Variants in GRXCR1 observed in about 807,000 individuals in gnomAD.
GRXCR1 encodes glutaredoxin and cysteine rich domain containing 1.
In GRXCR1, 27 loss-of-function variants were observed where a neutral mutation model predicts 27.3. The observed-to-expected ratio is 0.99, with a 90% CI of 0.73 to 1.37. The LOEUF (loss-of-function observed/expected upper bound fraction) is 1.37, where lower values mean the gene tolerates loss of function less well. Among genes scored for constraint, GRXCR1 ranks in the 40% most tolerant of loss-of-function variants. The pLI is 0.00. For missense variants in GRXCR1, 379 were observed against 354.4 expected, an observed-to-expected ratio of 1.07 and a Z score of -0.56; for synonymous variants, 122 against 131.1, an observed-to-expected ratio of 0.93 and a Z score of 0.47.
rs767899733 is a variant in GRXCR1 at position 42,962,993 on chromosome 4, T to C, written c.486T>C (p.Ile162=). ...AAAGATGTGAACTGGTTAGAAAGAT[T>C]TTCCAAAACCATCGCGTAAAATTTG... ...TFERCELVRK[I]FQNHRVKFEE... The change falls in exon 2 of 4, where the codon ATT becomes ATC. Residue 162 remains isoleucine (I), a synonymous_variant. Coordinates refer to ENST00000399770, the MANE Select transcript of GRXCR1 (RefSeq NM_001080476.3). 1 of 1,612,914 alleles carries C rather than the reference T, an allele frequency of 6.2e-7. No individual in the cohort carries two copies. The highest frequency in any genetic ancestry group is 1.1e-5 in the South Asian group (1 of 91,066).
intron 1 of GRXCR1, among the ~76,000 whole-genome samples, chr4:42,932,779 G>T (rs918518865): frequency 6.6e-6 from 1 of 150,850 alleles, no homozygotes; most frequent in Non-Finnish European, 1.5e-5. Context: ...TTTCACCCTG[G>T]AATTACAGCC....
chr4:42,894,007 G>T (rs1457374084), intron 1 of GRXCR1, among the ~76,000 whole-genome samples: 1 of 152,062 alleles, frequency 6.6e-6, no homozygotes, highest in Non-Finnish European at 1.5e-5. Flanking sequence ...TATTATCCTT[G>T]AAATACCAGT....
chr4:42,937,237 T>C (rs933999115), intron 1 of GRXCR1, among the ~76,000 whole-genome samples: 14 of 151,150 alleles, frequency 9.3e-5, no homozygotes, highest in Non-Finnish European at 1.6e-4. Flanking sequence ...TCATTGAAAT[T>C]GGCTCTTGAG....
At chr4:42,927,604 T>C (rs1418466318) in intron 1 of GRXCR1, among the ~76,000 whole-genome samples, 1 of 151,836 alleles carries the variant, frequency 6.6e-6, no homozygotes, top group East Asian at 1.9e-4. Context: ...GATGAATATA[T>C]GGGAAACAAC....
intron 2 of GRXCR1, among the ~76,000 whole-genome samples, chr4:42,986,365 G>A (rs1711723802): frequency 6.6e-6 from 1 of 152,194 alleles, no homozygotes; most frequent in Admixed American, 6.5e-5. Flanking sequence ...TGTCTTGCAG[G>A]AAATTAACAA....
At chr4:42,985,760 A>G (rs1448368001) in intron 2 of GRXCR1, among the ~76,000 whole-genome samples, 1 of 152,166 alleles carries the variant, frequency 6.6e-6, no homozygotes, top group Non-Finnish European at 1.5e-5. Flanking sequence ...TCCTTTTAGA[A>G]AAGAAAGAAT....
intron 3 of GRXCR1, among the ~76,000 whole-genome samples, chr4:43,026,150 C>T (rs1157659075): frequency 2.0e-5 from 3 of 152,110 alleles, no homozygotes; most frequent in African/African-American, 7.2e-5. Context: ...CAAACTTTGT[C>T]CGTGTTCTTT....
intron 1 of GRXCR1, among the ~76,000 whole-genome samples, chr4:42,946,251 AG>A (rs1258126931): frequency 4.0e-5 from 6 of 150,182 alleles, no homozygotes; most frequent in African/African-American, 1.5e-4. Flanking sequence ...TTAATGAGAC[AG>A]GAAAAAGGTC....
intron 1 of GRXCR1, 86 bp from the exon 2 acceptor site, chr4:42,962,806 T>A: frequency 6.6e-7 from 1 of 1,510,242 alleles, no homozygotes; most frequent in East Asian, 2.3e-5. Flanking sequence ...ATTGCATGGC[T>A]TTAACGCAAT....
chr4:42,901,502 C>T (rs1746459316), intron 1 of GRXCR1, among the ~76,000 whole-genome samples: 1 of 152,154 alleles, frequency 6.6e-6, no homozygotes, highest in Admixed American at 6.5e-5. Context: ...TTCTCTAACT[C>T]TATTGCCCTC....
intron 2 of GRXCR1, among the ~76,000 whole-genome samples, chr4:42,982,685 G>A (rs1372373971): frequency 7.2e-6 from 1 of 139,572 alleles, no homozygotes; most frequent in Non-Finnish European, 1.6e-5. Flanking sequence ...GTGTAAAAGT[G>A]TTCCTGTTTC....
intron 2 of GRXCR1, among the ~76,000 whole-genome samples, chr4:43,002,118 A>T (rs1210782323): frequency 2.0e-5 from 3 of 152,226 alleles, no homozygotes; most frequent in African/African-American, 7.2e-5. Flanking sequence ...TGAGACATTC[A>T]GTTCCCAGGG....
intron 1 of GRXCR1, among the ~76,000 whole-genome samples, chr4:42,913,762 C>T (rs895184792): frequency 3.9e-5 from 6 of 152,092 alleles, no homozygotes; most frequent in Non-Finnish European, 5.9e-5. Flanking sequence ...GGTGCAGAAA[C>T]CTAGGAGGGA....
At chr4:42,920,793 A>G (rs1435579316) in intron 1 of GRXCR1, among the ~76,000 whole-genome samples, 3 of 152,078 alleles carry the variant, frequency 2.0e-5, no homozygotes, top group Non-Finnish European at 4.4e-5. Flanking sequence ...CTGAGCCATT[A>G]CACTAATTCT....
At chr4:42,960,272 C>A (rs866695403) in intron 1 of GRXCR1, among the ~76,000 whole-genome samples, 1 of 151,880 alleles carries the variant, frequency 6.6e-6, no homozygotes. Flanking sequence ...TGGTAGAAAA[C>A]TAATGCAGTA....
rs372050710 is a variant in GRXCR1 at position 42,916,153 on chromosome 4, G to A, written c.384+22503G>A. 6.0e-5 allele frequency among the ~76,000 whole-genome samples: 9 copies of A among 149,408 alleles called. No homozygotes were observed. The South Asian group carries it at 1.9e-3, about 31-fold the overall frequency. On this transcript the variant is annotated intron_variant, in intron 1 of 3. Transcript: ENST00000399770. Reference sequence around the variant, plus strand: ...GCTTTTGTAAAACAGAAAGTTATAAGCAGGGAAATAAGATTTGGAACTCAA... The same window carrying A: ...GCTTTTGTAAAACAGAAAGTTATAAACAGGGAAATAAGATTTGGAACTCAA...
chr4:42,910,223 A>G (rs1362607497), intron 1 of GRXCR1, among the ~76,000 whole-genome samples: 1 of 152,138 alleles, frequency 6.6e-6, no homozygotes, highest in Admixed American at 6.6e-5. Context: ...ACCTCCCATC[A>G]GGTTCCTCCC....
intron 1 of GRXCR1, among the ~76,000 whole-genome samples, chr4:42,937,436 A>G (rs558635565): frequency 2.0e-5 from 3 of 151,912 alleles, no homozygotes; most frequent in Non-Finnish European, 4.4e-5. Flanking sequence ...CTGGGAGCCA[A>G]GAGAGCTAAG....
At chr4:42,993,436 C>T (rs1161496889) in intron 2 of GRXCR1, among the ~76,000 whole-genome samples, 1 of 151,748 alleles carries the variant, frequency 6.6e-6, no homozygotes, top group Non-Finnish European at 1.5e-5. Context: ...TGCAGATGCT[C>T]TTTGACTTGG....
Sources: gnomAD v4.1 joint callset for allele counts (sites outside exome capture counted in the v4.1 genomes callset) on GRCh38, gnomAD v4.1.1 for gene constraint, MANE v1.5 for transcripts, NCBI Gene and HGNC (gene_info 2026-07-23, HGNC 2026-07-21) for gene names.